The following SLCO3A1 variants were observed in gnomAD, a reference collection of about 807,000 sequenced individuals.
The protein encoded by SLCO3A1 is solute carrier organic anion transporter family member 3A1.
In SLCO3A1, 27 loss-of-function variants were observed where a neutral mutation model predicts 63.1. That is an observed-to-expected ratio of 0.43 (90% CI 0.32 to 0.59). The LOEUF is 0.59. SLCO3A1 is among the 20% of genes least tolerant of loss of function. The pLI, the probability that SLCO3A1 is intolerant of heterozygous loss-of-function variation, is 0.09. For synonymous variants in SLCO3A1, 473 were observed against 409.9 expected (o/e 1.15, Z -1.86); for missense variants, 773 against 945.8 (o/e 0.82, Z 2.40).
Position 92,164,429 on chromosome 15 carries a change from C to T in SLCO3A1, c.*1294C>T. Reference sequence around the variant, plus strand: ...CAAATTTGCCTTTTAGCTTCCTTCCCCATGATTCAGTGATCACTGTCACGG... The same window carrying T: ...CAAATTTGCCTTTTAGCTTCCTTCCTCATGATTCAGTGATCACTGTCACGG... On this transcript the variant is annotated 3_prime_UTR_variant, in exon 10 of 10. Transcript: ENST00000318445. The T allele has an allele frequency of 2.0e-6, 2 of 985,430 alleles. No individual in the cohort carries two copies. Among genetic ancestry groups the T allele is most frequent in the Non-Finnish European group, 2.4e-6 (2 of 829,924 alleles). 61.0% of individuals were successfully genotyped at this position (985,430 alleles called of 1,614,324 possible). A position where few individuals can be genotyped will look rare whatever the true frequency, so the allele number is the denominator to read the frequency against.
intron 2 of SLCO3A1, among the ~76,000 whole-genome samples, chr15:92,078,714 G>A (rs758905393): frequency 1.2e-4 from 18 of 152,042 alleles, no homozygotes; most frequent in South Asian, 2.1e-4. Context: ...CACTGGGCAC[G>A]TTACTTCATC....
In SLCO3A1 at chr15:92,070,642, CTTTTTTTTT is replaced by C. The variant is rs57873454; in HGVS notation, c.647-24228_647-24220del. Among the ~76,000 whole-genome samples, 40 of 145,298 alleles carry C rather than the reference CTTTTTTTTT, an allele frequency of 2.8e-4. 3 individuals are homozygous for C. The highest frequency in any genetic ancestry group is 1.2e-3 in the Admixed American group (18 of 14,880). ...CTGGGTGACAGAGCAACACTCTAGA[CTTTTTTTTT>C]TTTTTTTTTTGAGACAGAGTTATGG... On this transcript the variant is annotated intron_variant, in intron 2 of 9. Coordinates refer to ENST00000318445, the MANE Select transcript of SLCO3A1 (RefSeq NM_013272.4).
intron 4 of SLCO3A1, among the ~76,000 whole-genome samples, chr15:92,108,575 T>C (rs1327963834): frequency 2.0e-5 from 3 of 152,204 alleles, no homozygotes; most frequent in African/African-American, 7.2e-5. Context: ...TCAGATAGTG[T>C]ATTAAATATC....
Position 91,967,553 on chromosome 15 carries a change from G to A in SLCO3A1, c.646+51095G>A, listed in dbSNP as rs143238158. 9.7e-3 allele frequency among the ~76,000 whole-genome samples: 1,472 copies of A among 152,308 alleles called. 22 individuals carry two copies. The highest frequency in any genetic ancestry group is 0.017 in the Middle Eastern group (5 of 294). On this transcript the variant is annotated intron_variant, in intron 2 of 9. Transcript: ENST00000318445. The surrounding 1 kb of genome is among the most constrained non-coding windows in gnomAD (Gnocchi z 4.4). ...GAAGCGTTGCCACAGGATAAAGACA[G>A]CACTCGACATATAATAAAAATCAAT...
chr15:91,993,976 G>A (rs376555039), intron 2 of SLCO3A1, among the ~76,000 whole-genome samples: 1 of 152,190 alleles, frequency 6.6e-6, no homozygotes, highest in South Asian at 2.1e-4. Context: ...CTTGGAAGCA[G>A]GTCTTCCAGC....
chr15:92,104,101 A>G (rs537072777), intron 3 of SLCO3A1, among the ~76,000 whole-genome samples, 178 bp from the exon 4 acceptor site: 1 of 152,328 alleles, frequency 6.6e-6, no homozygotes, highest in Admixed American at 6.5e-5. Flanking sequence ...TCCGGCTTTG[A>G]GAGAAACAGA....
intron 2 of SLCO3A1, among the ~76,000 whole-genome samples, chr15:91,958,143 T>C (rs1220604146): frequency 6.6e-6 from 1 of 152,244 alleles, no homozygotes; most frequent in African/African-American, 2.4e-5. Context: ...AGGTATGTCA[T>C]GAATGCATAG....
intron 2 of SLCO3A1, among the ~76,000 whole-genome samples, chr15:91,963,413 G>A (rs746517598): frequency 2.0e-4 from 21 of 104,378 alleles, no homozygotes; most frequent in African/African-American, 2.5e-4. Flanking sequence ...GAGGGTGGGG[G>A]GGGGGGGCGG....
At chr15:91,893,472 C>T (rs1776095610) in intron 1 of SLCO3A1, among the ~76,000 whole-genome samples, 1 of 152,148 alleles carries the variant, frequency 6.6e-6, no homozygotes, top group South Asian at 2.1e-4. Context: ...TAGATGGCAC[C>T]TTCTCATTGT....
At chr15:92,147,785 C>T (rs2048248402) in intron 8 of SLCO3A1, among the ~76,000 whole-genome samples, 1 of 152,104 alleles carries the variant, frequency 6.6e-6, no homozygotes, top group Non-Finnish European at 1.5e-5. Context: ...GGTGAAGTGC[C>T]TCAAAGAAAG....
rs796323351 is a variant in SLCO3A1, at chr15:92,013,443, G to A, written c.647-81438G>A. Reference sequence around the variant, plus strand: ...TGATCTGACCTCAACCCTACCAGCCGTTTTGGATAGTGGTGACCCCTTTGT... The same window carrying A: ...TGATCTGACCTCAACCCTACCAGCCATTTTGGATAGTGGTGACCCCTTTGT... On this transcript the variant is annotated intron_variant, in intron 2 of 9. Transcript: ENST00000318445. Among the ~76,000 whole-genome samples, 14 of 152,276 alleles carry A rather than the reference G, an allele frequency of 9.2e-5. No homozygotes were observed. The South Asian group carries it at 2.5e-3, about 27-fold the overall frequency.
intron 2 of SLCO3A1, among the ~76,000 whole-genome samples, chr15:91,932,124 T>C (rs1263826074): frequency 6.6e-6 from 1 of 152,096 alleles, no homozygotes; most frequent in African/African-American, 2.4e-5. Flanking sequence ...TAATGGCTGT[T>C]TTTCCTCAGT....
chr15:91,907,142 A>G (rs535029737), intron 1 of SLCO3A1, among the ~76,000 whole-genome samples: 1 of 152,336 alleles, frequency 6.6e-6, no homozygotes, highest in East Asian at 1.9e-4. Flanking sequence ...CAAATAGTGA[A>G]GTAGAGAAAA....
intron 1 of SLCO3A1, among the ~76,000 whole-genome samples, chr15:91,895,021 T>C (rs918628910): frequency 6.6e-6 from 1 of 152,224 alleles, no homozygotes; most frequent in Non-Finnish European, 1.5e-5. Context: ...CCCTGCTTTT[T>C]TGTTTGTCCT....
intron 1 of SLCO3A1, among the ~76,000 whole-genome samples, chr15:91,867,447 A>C (rs754952938): frequency 2.0e-5 from 3 of 152,044 alleles, no homozygotes; most frequent in Non-Finnish European, 4.4e-5. Context: ...TCTTTTGCAT[A>C]TGTACAAATT....
chr15:92,160,290 A>C (rs2048420204), intron 9 of SLCO3A1, among the ~76,000 whole-genome samples: 1 of 152,178 alleles, frequency 6.6e-6, no homozygotes, highest in Non-Finnish European at 1.5e-5. Flanking sequence ...CACTGGCTCC[A>C]GATCTTCATT....
In SLCO3A1 at chr15:91,971,687, T is replaced by C. The variant is rs548969869; in HGVS notation, c.646+55229T>C. Reference sequence around the variant, plus strand: ...GCTCCATGTTAATGAATCAAAGATATACATTAAATAAGGTTTGTTTAAACA... The same window carrying C: ...GCTCCATGTTAATGAATCAAAGATACACATTAAATAAGGTTTGTTTAAACA... On this transcript the variant is annotated intron_variant, in intron 2 of 9. Transcript: ENST00000318445. Among the ~76,000 whole-genome samples, 10 of 152,234 alleles carry C rather than the reference T, an allele frequency of 6.6e-5. No individual in the cohort carries two copies. The East Asian group carries it at 1.9e-3, about 29-fold the overall frequency.
rs143319614 is a variant in SLCO3A1 at position 92,032,072 on chromosome 15, A to G, written c.647-62809A>G. On this transcript the variant is annotated intron_variant, in intron 2 of 9. Transcript: ENST00000318445. ...TGCATGGTTGTCGTTGTTGGTAGTG[A>G]TATTCAGTCTACCCTCATTCTTGGA... Among the ~76,000 whole-genome samples, 680 of 152,216 alleles carry G rather than the reference A, an allele frequency of 4.5e-3. 5 individuals are homozygous for G. The highest frequency in any genetic ancestry group is 0.028 in the South Asian group (135 of 4,822).
chr15:92,028,049 G>A (rs2046597737), intron 2 of SLCO3A1, among the ~76,000 whole-genome samples: 1 of 152,198 alleles, frequency 6.6e-6, no homozygotes, highest in Non-Finnish European at 1.5e-5. Flanking sequence ...AGACTTAGCA[G>A]TGGGCACAAA....
Sources: allele counts gnomAD v4.1 joint callset (sites outside exome capture counted in the v4.1 genomes callset), GRCh38; gene constraint gnomAD v4.1.1; non-coding constraint Gnocchi (gnomAD v3.1); transcripts MANE v1.5; gene names NCBI Gene and HGNC (gene_info 2026-07-23, HGNC 2026-07-21).